PRIM2: variants seen among roughly 807,000 people sequenced by gnomAD.
The protein encoded by PRIM2 is DNA primase large subunit.
PRIM2 carries 39 observed loss-of-function variants against 67.3 expected under a neutral mutation model. That is an observed-to-expected ratio of 0.58 (90% CI 0.45 to 0.76). The LOEUF (loss-of-function observed/expected upper bound fraction) is 0.76. PRIM2 is among the 30% of genes least tolerant of loss of function. The pLI is 0.00. For missense variants in PRIM2, 398 were observed against 598.7 expected (o/e 0.66, Z 3.50); for synonymous variants, 143 against 198.7 (o/e 0.72, Z 2.36).
intron 10 of PRIM2, among the ~76,000 whole-genome samples, chr6:57,578,045 A>AC (rs1317025488): frequency 3.9e-5 from 6 of 152,004 alleles, no homozygotes; most frequent in African/African-American, 1.4e-4. Context: ...TCTTTTCATG[A>AC]CCTTGATACT....
intron 7 of PRIM2, among the ~76,000 whole-genome samples, chr6:57,391,736 A>G (rs1408212296): frequency 6.6e-6 from 1 of 151,696 alleles, no homozygotes; most frequent in Non-Finnish European, 1.5e-5. Context: ...TTGTTTTTGT[A>G]CCTGTACCAT....
At chr6:57,542,452 A>G (rs1450817253) in intron 10 of PRIM2, among the ~76,000 whole-genome samples, 1 of 152,170 alleles carries the variant, frequency 6.6e-6, no homozygotes, top group Non-Finnish European at 1.5e-5. Flanking sequence ...ACACTTGTTC[A>G]TTGACCTGCC....
chr6:57,501,228 T>A (rs1255920858), intron 7 of PRIM2, among the ~76,000 whole-genome samples: 58 of 152,238 alleles, frequency 3.8e-4, no homozygotes, highest in African/African-American at 1.3e-3. Context: ...TGCTTTACTC[T>A]TGAAAAGATA....
intron 7 of PRIM2, among the ~76,000 whole-genome samples, chr6:57,425,431 G>A (rs1771590761): frequency 6.6e-6 from 1 of 152,084 alleles, no homozygotes; most frequent in South Asian, 2.1e-4. Context: ...TGGCCAGGAT[G>A]GTCTCGATCT....
chr6:57,372,479 A>C (rs12213595), intron 5 of PRIM2, among the ~76,000 whole-genome samples: 4 of 152,236 alleles, frequency 2.6e-5, no homozygotes, highest in Admixed American at 1.3e-4. Flanking sequence ...GATTTCAGTC[A>C]TCATCAACTT....
chr6:57,432,754 A>G (rs76525013), intron 7 of PRIM2, among the ~76,000 whole-genome samples: 3,706 of 152,322 alleles, frequency 0.024, 54 homozygotes, highest in Middle Eastern at 0.041. Context: ...AACATTGAAG[A>G]ACTGAGTAGT....
At chr6:57,595,249 G>C (rs1466602696) in intron 10 of PRIM2, among the ~76,000 whole-genome samples, 1 of 152,088 alleles carries the variant, frequency 6.6e-6, no homozygotes, top group South Asian at 2.1e-4. Flanking sequence ...ACCTACAAAA[G>C]TCATATGTAA....
chr6:57,236,102 T>C, the PRIM2 span, among the ~76,000 whole-genome samples: 2 of 152,250 alleles, frequency 1.3e-5, no homozygotes, highest in Admixed American at 1.3e-4. Flanking sequence ...AATAGGAGAC[T>C]ATATCGTAAG....
At chr6:57,555,109 T>C (rs1231371976) in intron 10 of PRIM2, among the ~76,000 whole-genome samples, 3 of 152,254 alleles carry the variant, frequency 2.0e-5, no homozygotes, top group African/African-American at 7.2e-5. Flanking sequence ...AAAATAATGT[T>C]ATTTCTCTTT....
intron 7 of PRIM2, among the ~76,000 whole-genome samples, chr6:57,470,938 A>G (rs1773324472): frequency 6.6e-6 from 1 of 152,184 alleles, no homozygotes; most frequent in Non-Finnish European, 1.5e-5. Flanking sequence ...ATGAGTCCGA[A>G]TAGTAGATTA....
At chr6:57,357,876 G>C (rs1769085057) in intron 5 of PRIM2, among the ~76,000 whole-genome samples, 1 of 152,090 alleles carries the variant, frequency 6.6e-6, no homozygotes, top group African/African-American at 2.4e-5. Context: ...TTACAGGCAT[G>C]AGCCACCGCA....
At chr6:57,554,305 A>AT (rs1775465120) in intron 10 of PRIM2, among the ~76,000 whole-genome samples, 1 of 146,568 alleles carries the variant, frequency 6.8e-6, no homozygotes, top group East Asian at 2.0e-4. Context: ...GCTTTATGTG[A>AT]TTTTTTAAAA....
chr6:57,428,914 A>T (rs1771724889), intron 7 of PRIM2, among the ~76,000 whole-genome samples: 5 of 152,176 alleles, frequency 3.3e-5, no homozygotes. Context: ...GTATATATGT[A>T]TTCTATGAAC....
At chr6:57,637,327 C>A (rs1446619047) in intron 13 of PRIM2, among the ~76,000 whole-genome samples, 1 of 152,044 alleles carries the variant, frequency 6.6e-6, no homozygotes, top group Admixed American at 6.5e-5. Context: ...GCTGAAAATT[C>A]CAAAAATCAG....
chr6:57,361,642 A>G (rs934356029), intron 5 of PRIM2, among the ~76,000 whole-genome samples: 2 of 151,048 alleles, frequency 1.3e-5, no homozygotes, highest in African/African-American at 4.9e-5. Context: ...GTCTTTTAAG[A>G]TAAGTTCCCT....
intron 7 of PRIM2, among the ~76,000 whole-genome samples, chr6:57,504,706 A>G (rs1296862476): frequency 1.3e-5 from 2 of 152,190 alleles, no homozygotes; most frequent in East Asian, 3.8e-4. Context: ...TATAAAAAGA[A>G]AAAAAATTAA....
the PRIM2 span, among the ~76,000 whole-genome samples, chr6:57,268,902 C>T: frequency 1.3e-4 from 20 of 150,320 alleles, no homozygotes; most frequent in Admixed American, 4.7e-4. Flanking sequence ...TTTGTCCTTG[C>T]GATAGTTTAC....
At chr6:57,637,570 T>A (rs1220019720) in intron 13 of PRIM2, among the ~76,000 whole-genome samples, 1 of 151,992 alleles carries the variant, frequency 6.6e-6, no homozygotes, top group Admixed American at 6.6e-5. Context: ...AATGACCTGA[T>A]GGAACTGAAT....
At chr6:57,426,250 C>T (rs1334799544) in intron 7 of PRIM2, among the ~76,000 whole-genome samples, 12 of 152,184 alleles carry the variant, frequency 7.9e-5, no homozygotes, top group Non-Finnish European at 1.6e-4. Flanking sequence ...TCATCTCAAA[C>T]TCTCCGTCCC....
Sources: gnomAD v4.1 joint callset for allele counts (sites outside exome capture counted in the v4.1 genomes callset) on GRCh38, gnomAD v4.1.1 for gene constraint, MANE v1.5 for transcripts, NCBI Gene and HGNC (gene_info 2026-07-23, HGNC 2026-07-21) for gene names.